Variants in LGSN observed in about 807,000 individuals in gnomAD.
LGSN encodes lengsin.
A neutral mutation model predicts 19.5 loss-of-function variants in LGSN; 21 were observed. The ratio of observed to expected loss-of-function variants is 1.07; its 90% confidence interval spans 0.76 to 1.55. The LOEUF is 1.55. Among genes scored for constraint, LGSN ranks in the 40% most tolerant of loss-of-function variants. The pLI, the probability that LGSN is intolerant of heterozygous loss-of-function variation, is 0.00. For missense variants in LGSN, 673 were observed against 608.5 expected (o/e 1.11, Z -1.12); for synonymous variants, 257 against 215.6 (o/e 1.19, Z -1.68).
the LGSN span, among the ~76,000 whole-genome samples, chr6:63,514,597 T>C: frequency 3.9e-5 from 6 of 152,228 alleles, no homozygotes; most frequent in Admixed American, 6.5e-5. Context: ...AACAATGAAA[T>C]GTCTATTGAC....
the LGSN span, among the ~76,000 whole-genome samples, chr6:63,461,849 T>A: frequency 6.6e-6 from 1 of 152,236 alleles, no homozygotes; most frequent in Non-Finnish European, 1.5e-5. Context: ...CTAAAAGACA[T>A]GCCCAGACCT....
the LGSN span, among the ~76,000 whole-genome samples, chr6:63,355,825 G>A: frequency 6.6e-6 from 1 of 152,104 alleles, no homozygotes; most frequent in Non-Finnish European, 1.5e-5. Context: ...ATTACAACAT[G>A]TGCCACCATG....
chr6:63,438,567 A>T, the LGSN span, among the ~76,000 whole-genome samples: 4 of 152,024 alleles, frequency 2.6e-5, no homozygotes, highest in African/African-American at 9.7e-5. Flanking sequence ...CACTTCTCAA[A>T]AGAAGACATT....
chr6:63,303,378 C>T (rs1768263069), intron 1 of LGSN, among the ~76,000 whole-genome samples: 1 of 152,152 alleles, frequency 6.6e-6, no homozygotes. Flanking sequence ...TGGAACATTC[C>T]TAGAGAAATC....
chr6:63,382,339 T>C, the LGSN span, among the ~76,000 whole-genome samples: 1 of 152,252 alleles, frequency 6.6e-6, no homozygotes, highest in Non-Finnish European at 1.5e-5. Context: ...TATGTCTTTA[T>C]GCATCCTTTT....
the LGSN span, among the ~76,000 whole-genome samples, chr6:63,419,701 C>A: frequency 1.3e-5 from 2 of 151,002 alleles, no homozygotes; most frequent in African/African-American, 4.9e-5. Flanking sequence ...CCAGCCTGGT[C>A]AACATGGTGA....
the LGSN span, among the ~76,000 whole-genome samples, chr6:63,331,907 C>A: frequency 4.6e-5 from 7 of 152,224 alleles, no homozygotes; most frequent in African/African-American, 1.7e-4. Flanking sequence ...CCTAAGCATT[C>A]TCCTGTTAGT....
At chr6:63,356,576 G>A in the LGSN span, among the ~76,000 whole-genome samples, 1 of 151,904 alleles carries the variant, frequency 6.6e-6, no homozygotes, top group East Asian at 1.9e-4. Context: ...TAAAAATAAA[G>A]CAGAGTAAAA....
chr6:63,361,634 C>A, the LGSN span, among the ~76,000 whole-genome samples: 1 of 150,206 alleles, frequency 6.7e-6, no homozygotes, highest in East Asian at 2.0e-4. Context: ...CCTGCTTCAG[C>A]TCAGGCTCGG....
the LGSN span, among the ~76,000 whole-genome samples, chr6:63,326,614 G>T: frequency 6.6e-6 from 1 of 152,312 alleles, no homozygotes; most frequent in African/African-American, 2.4e-5. Context: ...AGGCAGCTAA[G>T]GCCCAGCAAG....
the LGSN span, among the ~76,000 whole-genome samples, chr6:63,447,441 T>C: frequency 1.3e-5 from 2 of 152,372 alleles, no homozygotes; most frequent in Admixed American, 6.5e-5. Flanking sequence ...CTGGTGTTGC[T>C]ACCTTACTTG....
chr6:63,348,953 GT>G, the LGSN span, among the ~76,000 whole-genome samples: 1 of 152,050 alleles, frequency 6.6e-6, no homozygotes, highest in Non-Finnish European at 1.5e-5. Context: ...TTAATGCAAA[GT>G]TCTTTGGAAG....
chr6:63,509,976 A>G, the LGSN span, among the ~76,000 whole-genome samples: 3 of 152,224 alleles, frequency 2.0e-5, no homozygotes, highest in African/African-American at 7.2e-5. Flanking sequence ...TGAGTATGTG[A>G]TAATTATAAT....
At chr6:63,458,330 G>A in the LGSN span, among the ~76,000 whole-genome samples, 1 of 152,112 alleles carries the variant, frequency 6.6e-6, no homozygotes, top group African/African-American at 2.4e-5. Flanking sequence ...GCCTCCCAAA[G>A]TGCTGGAATT....
At chr6:63,474,608 CAAAAA>C in the LGSN span, among the ~76,000 whole-genome samples, 1 of 118,384 alleles carries the variant, frequency 8.4e-6, no homozygotes, top group Non-Finnish European at 1.7e-5. Flanking sequence ...GACTCCATCT[CAAAAA>C]AAAAAAAAAA....
intron 2 of LGSN, among the ~76,000 whole-genome samples, chr6:63,288,815 A>C (rs984625562): frequency 6.6e-6 from 1 of 152,192 alleles, no homozygotes; most frequent in Admixed American, 6.5e-5. Context: ...ACTCTTCTTC[A>C]TATGAGGACA....
chr6:63,361,217 C>A, the LGSN span, among the ~76,000 whole-genome samples: 1 of 152,202 alleles, frequency 6.6e-6, no homozygotes, highest in Non-Finnish European at 1.5e-5. Context: ...GCAGAGGTTT[C>A]TGCTGCCTTT....
the LGSN span, among the ~76,000 whole-genome samples, chr6:63,454,475 T>C: frequency 6.2e-5 from 9 of 146,134 alleles, no homozygotes; most frequent in African/African-American, 2.0e-4. Flanking sequence ...ATTTTCTTTT[T>C]TTTTTTTTTT....
At chr6:63,437,988 G>C in the LGSN span, among the ~76,000 whole-genome samples, 7 of 152,056 alleles carry the variant, frequency 4.6e-5, no homozygotes, top group African/African-American at 1.7e-4. Context: ...GTCTCTCTCC[G>C]TACTCTAATC....
Sources: gnomAD v4.1 joint callset for allele counts (sites outside exome capture counted in the v4.1 genomes callset) on GRCh38, gnomAD v4.1.1 for gene constraint, MANE v1.5 for transcripts, NCBI Gene and HGNC (gene_info 2026-07-23, HGNC 2026-07-21) for gene names.